Variants in SAMD5 observed in about 807,000 individuals in gnomAD.
SAMD5 encodes sterile alpha motif domain-containing protein 5.
SAMD5 carries 13 observed loss-of-function variants against 11.3 expected under a neutral mutation model. The observed-to-expected ratio is 1.15, with a 90% CI of 0.75 to 1.83. The LOEUF is 1.83. SAMD5 is among the 40% of genes most tolerant of loss of function. The probability of loss-of-function intolerance (pLI) is 0.00; values close to 1 mark genes in which losing one functional copy is unlikely to be tolerated. For synonymous variants in SAMD5, 129 were observed against 111.3 expected, an observed-to-expected ratio of 1.16 and a Z score of -1.00; for missense variants, 255 against 239.1, an observed-to-expected ratio of 1.07 and a Z score of -0.44.
chr6:147,695,236 AT>A (rs1380835814), intron 1 of SAMD5, among the ~76,000 whole-genome samples: 1 of 152,138 alleles, frequency 6.6e-6, no homozygotes, highest in Non-Finnish European at 1.5e-5. Context: ...CTGTTTTCTC[AT>A]TGTTTAATTA....
At chr6:147,656,526 A>T (rs1790570411) in intron 1 of SAMD5, among the ~76,000 whole-genome samples, 1 of 152,216 alleles carries the variant, frequency 6.6e-6, no homozygotes, top group Non-Finnish European at 1.5e-5. Context: ...TCTTTTAAAA[A>T]TTAAAAGAAA....
At chr6:147,529,797 A>G (rs1788399547) in intron 1 of SAMD5, among the ~76,000 whole-genome samples, 1 of 152,196 alleles carries the variant, frequency 6.6e-6, no homozygotes, top group South Asian at 2.1e-4. Context: ...AATAAAAATG[A>G]ATTGGGCACT....
intron 1 of SAMD5, among the ~76,000 whole-genome samples, chr6:147,521,889 T>G (rs9377055): frequency 0.04 from 6,055 of 152,216 alleles, 328 homozygotes; most frequent in East Asian, 0.18. Context: ...GTCACAACCA[T>G]TAAAAAATAA....
the SAMD5 span, among the ~76,000 whole-genome samples, chr6:147,816,499 C>A: frequency 0.017 from 2,513 of 151,020 alleles, 65 homozygotes; most frequent in African/African-American, 0.058. Flanking sequence ...TAAGTATCTA[C>A]AGAGTACTTA....
At chr6:147,588,988 C>T (rs937583762) in intron 1 of SAMD5, among the ~76,000 whole-genome samples, 9 of 151,970 alleles carry the variant, frequency 5.9e-5, no homozygotes, top group East Asian at 1.9e-4. Flanking sequence ...GATGAGGTCT[C>T]GCTCTGTCGC....
the SAMD5 span, among the ~76,000 whole-genome samples, chr6:147,878,607 A>G: frequency 6.8e-6 from 1 of 146,786 alleles, no homozygotes; most frequent in Admixed American, 6.8e-5. Flanking sequence ...ATATATATCT[A>G]TATAGATATA....
chr6:147,719,801 A>C (rs1791521577), intron 1 of SAMD5, among the ~76,000 whole-genome samples: 1 of 152,222 alleles, frequency 6.6e-6, no homozygotes, highest in African/African-American at 2.4e-5. Flanking sequence ...TTTTAGCTTG[A>C]AACTATTCTA....
chr6:147,735,377 A>T lies in SAMD5; in HGVS notation c.163-1940A>T, dbSNP rs192582845. On this transcript the variant is annotated intron_variant, in intron 1 of 1. Transcript: ENST00000566741. ...TCGGAAATGACTTTTTTGTGTGTGAAGAGATGCCTGATTCCTATTACTGCT... is the reference window on the plus strand; with the variant it reads ...TCGGAAATGACTTTTTTGTGTGTGATGAGATGCCTGATTCCTATTACTGCT... Among the ~76,000 whole-genome samples, 4 of 152,306 alleles carry T rather than the reference A, an allele frequency of 2.6e-5. No individual in the cohort carries two copies. The East Asian group carries it at 7.7e-4, about 29-fold the overall frequency.
chr6:147,841,967 T>C, the SAMD5 span, among the ~76,000 whole-genome samples: 505 of 152,320 alleles, frequency 3.3e-3, 2 homozygotes, highest in African/African-American at 0.012. Flanking sequence ...CCACCACCTA[T>C]TGATGATTTA....
At chr6:147,801,336 G>A in the SAMD5 span, among the ~76,000 whole-genome samples, 5,318 of 151,998 alleles carry the variant, frequency 0.035, 125 homozygotes, top group Non-Finnish European at 0.055. Context: ...CTGTCAGTCT[G>A]CTTGGTCCTG....
chr6:147,950,696 C>A, the SAMD5 span, among the ~76,000 whole-genome samples: 1 of 152,068 alleles, frequency 6.6e-6, no homozygotes, highest in Non-Finnish European at 1.5e-5. Context: ...CCTTAAGTTT[C>A]CTCACTGAAT....
At chr6:147,814,956 A>G in the SAMD5 span, among the ~76,000 whole-genome samples, 1 of 152,180 alleles carries the variant, frequency 6.6e-6, no homozygotes, top group African/African-American at 2.4e-5. Flanking sequence ...GACCCCTGCT[A>G]AGGACAGGTA....
chr6:147,702,798 G>A (rs1353677398), intron 1 of SAMD5, among the ~76,000 whole-genome samples: 1 of 150,078 alleles, frequency 6.7e-6, no homozygotes, highest in South Asian at 2.2e-4. Flanking sequence ...ATTAGAAACA[G>A]TGTTTAGTCT....
At chr6:147,924,383 A>C in the SAMD5 span, among the ~76,000 whole-genome samples, 2 of 152,148 alleles carry the variant, frequency 1.3e-5, no homozygotes, top group Non-Finnish European at 2.9e-5. Context: ...ACTGAAGATA[A>C]AATTTTAATT....
the SAMD5 span, among the ~76,000 whole-genome samples, chr6:147,811,110 A>C: frequency 7.0e-4 from 106 of 152,354 alleles, no homozygotes; most frequent in African/African-American, 2.3e-3. Context: ...GTTGCTGTGA[A>C]TACAATGTTC....
At chr6:147,593,998 A>C (rs767285825) in intron 1 of SAMD5, among the ~76,000 whole-genome samples, 5 of 151,900 alleles carry the variant, frequency 3.3e-5, no homozygotes, top group Non-Finnish European at 5.9e-5. Context: ...CTTGGTGTGC[A>C]GGTGCCTGTA....
At chr6:147,611,601 A>C (rs578090754) in intron 1 of SAMD5, among the ~76,000 whole-genome samples, 19 of 152,116 alleles carry the variant, frequency 1.2e-4, no homozygotes, top group Non-Finnish European at 2.4e-4. Context: ...AAATCACCGC[A>C]GAAAGTGAGG....
At chr6:147,570,668 A>G (rs929847707), downstream of SAMD5, among the ~76,000 whole-genome samples, 5 of 152,338 alleles carry the variant, frequency 3.3e-5, no homozygotes, top group East Asian at 9.6e-4. Flanking sequence ...ATTTAAATCA[A>G]ATCATGTGCA....
intron 1 of SAMD5, among the ~76,000 whole-genome samples, chr6:147,712,057 A>G (rs565371562): frequency 2.3e-4 from 35 of 152,352 alleles, no homozygotes; most frequent in African/African-American, 7.9e-4. Context: ...TCAGTTAGAG[A>G]TTGGAAACTA....
Sources: gnomAD v4.1 joint callset for allele counts (sites outside exome capture counted in the v4.1 genomes callset) on GRCh38, gnomAD v4.1.1 for gene constraint, MANE v1.5 for transcripts, NCBI Gene and HGNC (gene_info 2026-07-23, HGNC 2026-07-21) for gene names.